Variants in BTBD19 observed in about 807,000 individuals in gnomAD.
BTBD19 encodes the protein BTB/POZ domain-containing protein 19.
Under a neutral mutation model 36.1 loss-of-function variants are expected in BTBD19, and 20 were observed. The ratio of observed to expected loss-of-function variants is 0.55; its 90% CI spans 0.39 to 0.80. The LOEUF is 0.80. Ranked by LOEUF, BTBD19 falls within the 30% of genes least tolerant of loss-of-function variation. BTBD19 has a pLI of 0.00. For synonymous variants in BTBD19, 157 were observed against 174.3 expected (o/e 0.90, Z 0.78); for missense variants, 325 against 389.8 (o/e 0.83, Z 1.40).
chr1:44,814,061 C>T (rs1032695034), exon 8 of BTBD19: 29 of 566,880 alleles, frequency 5.1e-5, no homozygotes, highest in Middle Eastern at 4.7e-4. Flanking sequence ...CGCCCTGCCC[C>T]TGGGCATTGT....
Position 44,812,980 on chromosome 1 carries a change from C to G in BTBD19, c.415-16C>G. The stretch of plus-strand genomic sequence containing the variant: ...CTCTCCAGTCTCCAACCTGATCTCC[C>G]TCATTCTGCTCGCAGGTGGCCGTAA... On this transcript the variant is annotated splice_polypyrimidine_tract_variant and intron_variant, in intron 4 of 7. Coordinates refer to ENST00000450269, the Ensembl canonical transcript of BTBD19. 1.3e-6 allele frequency: 2 copies of G among 1,546,416 alleles called. No individual in the cohort carries two copies. Among genetic ancestry groups the G allele is most frequent in the Non-Finnish European group, 1.7e-6 (2 of 1,143,610 alleles).
At chr1:44,811,561 A>T (rs951283058) in intron 3 of BTBD19, 1 of 183,732 alleles carries the variant, frequency 5.4e-6, no homozygotes, top group Non-Finnish European at 1.2e-5. Context: ...AGATTCACTG[A>T]AGGTTTCCGA....
At chr1:44,812,944 T>C in intron 4 of BTBD19, 52 bp from the exon 5 acceptor site, 1 of 1,469,086 alleles carries the variant, frequency 6.8e-7, no homozygotes, top group East Asian at 2.5e-5. Context: ...GTGAGCAGGC[T>C]GGGCTACGGC....
At chr1:44,814,225 TCTTTCCTTCC>T (rs1652617112), downstream of BTBD19, 1 of 118,912 alleles carries the variant, frequency 8.4e-6, no homozygotes, top group African/African-American at 4.2e-5. Context: ...TCTTTCTTTC[TCTTTCCTTCC>T]TTCCTTCCTT....
downstream of BTBD19, chr1:44,814,210 CTTTTT>C (rs1318552951): frequency 1.5e-4 from 15 of 100,050 alleles, no homozygotes; most frequent in South Asian, 2.8e-4. Flanking sequence ...TTCTTTCTTT[CTTTTT>C]CTTTCTTTCT....
Position 44,810,294 on chromosome 1 carries a change from C to A in BTBD19, c.168C>A (p.Phe56Leu). ...TGTTGGCCTGTAGATGCAACTTCTT[C>A]CAGCGACTTCTGGGCACAGAGCCAG... Residue 56 changes from phenylalanine to leucine, a missense_variant, in exon 2 of 8, where the codon TTC (phenylalanine) becomes TTA (leucine). Transcript: ENST00000450269. The surrounding 1 kb of genome is among the most constrained non-coding windows in gnomAD (Gnocchi z 4.2). 3 of 1,551,858 alleles carry A rather than the reference C, an allele frequency of 1.9e-6. No homozygotes were observed. The highest frequency in any genetic ancestry group is 2.6e-6 in the Non-Finnish European group (3 of 1,147,014).
rs1219611500 is a variant in BTBD19 at position 44,810,839 on chromosome 1, TAG to T, written c.354+234_354+235del. Reference sequence around the variant, plus strand: ...GAGGGGGTGATTATGGCTGGTGCTGTAGATACAAAGATATCAGCCTTGATCCG... The same window carrying T: ...GAGGGGGTGATTATGGCTGGTGCTGTATACAAAGATATCAGCCTTGATCCG... On this transcript the variant is annotated intron_variant, in intron 3 of 7. Coordinates refer to ENST00000450269, the Ensembl canonical transcript of BTBD19. This position sits in a 1 kb window ranked among gnomAD's most constrained non-coding sequence, Gnocchi z 4.2. The T allele has an allele frequency of 8.3e-6, 3 of 359,498 alleles. No homozygotes were observed. Among genetic ancestry groups the T allele is most frequent in the African/African-American group, 6.4e-5 (3 of 46,896 alleles). The allele number at this position is 359,498 out of a possible 1,614,324, so 22.3% of individuals were successfully genotyped here.
Position 44,813,318 on chromosome 1 carries a change from C to G in BTBD19, c.615+49C>G, listed in dbSNP as rs1297750701. 3 of 1,538,768 alleles carry G rather than the reference C, an allele frequency of 1.9e-6. No homozygotes were observed. The highest frequency in any genetic ancestry group is 2.6e-6 in the Non-Finnish European group (3 of 1,145,480). ...AGGGCACGGAAGGAGGTGCTGGCCA[C>G]GAGACTGGTGAGCGGGCGGCAGGAC... is the stretch of plus-strand genomic sequence containing the variant. On this transcript the variant is annotated intron_variant, in intron 6 of 7. Transcript: ENST00000450269. This position sits in a 1 kb window ranked among gnomAD's most constrained non-coding sequence, Gnocchi z 7.8.
In BTBD19 at chr1:44,813,550, GC is replaced by G; in HGVS notation, c.741+52del. Reference sequence around the variant, plus strand: ...CTCCACTCAGCAGGGGGTACAGGGCGCTGGGAGGGGGCAGGAGCAGCCCGGC... The same window carrying G: ...CTCCACTCAGCAGGGGGTACAGGGCGTGGGAGGGGGCAGGAGCAGCCCGGC... On this transcript the variant is annotated intron_variant, in intron 7 of 7. Transcript: ENST00000450269. The surrounding 1 kb of genome is among the most constrained non-coding windows in gnomAD (Gnocchi z 7.8). 2 of 1,538,200 alleles carry G rather than the reference GC, an allele frequency of 1.3e-6. No homozygotes were observed. Among genetic ancestry groups the G allele is most frequent in the South Asian group, 2.4e-5 (2 of 82,298 alleles).
rs1373429661 is a variant in BTBD19, at chr1:44,813,094, C to G, written c.483+30C>G. 1.3e-6 allele frequency: 2 copies of G among 1,547,046 alleles called. No individual in the cohort carries two copies. Among genetic ancestry groups the G allele is most frequent in the African/African-American group, 1.4e-5 (1 of 72,952 alleles). On this transcript the variant is annotated intron_variant, in intron 5 of 7. Coordinates refer to ENST00000450269, the Ensembl canonical transcript of BTBD19. The surrounding 1 kb of genome is among the most constrained non-coding windows in gnomAD (Gnocchi z 7.8). Reference sequence around the variant, plus strand: ...TGCTCCCTTCATACTCCTCACCCTACGCACCGCATTCTGCTCCTCCCTGAC... The same window carrying G: ...TGCTCCCTTCATACTCCTCACCCTAGGCACCGCATTCTGCTCCTCCCTGAC...
At position 44,812,989 on chromosome 1, in the gene BTBD19, C is replaced by G; in HGVS notation, c.415-7C>G. The G allele has an allele frequency of 1.9e-6, 3 of 1,548,956 alleles. No homozygotes were observed. The highest frequency in any genetic ancestry group is 2.6e-6 in the Non-Finnish European group (3 of 1,145,274). ...CTCCAACCTGATCTCCCTCATTCTGCTCGCAGGTGGCCGTAACCTTTGGCC... is the reference window on the plus strand; with the variant it reads ...CTCCAACCTGATCTCCCTCATTCTGGTCGCAGGTGGCCGTAACCTTTGGCC... On this transcript the variant is annotated splice_region_variant and splice_polypyrimidine_tract_variant and intron_variant, in intron 4 of 7. Transcript: ENST00000450269.
rs989142513 is a variant in BTBD19, at chr1:44,810,343, G to C, written c.217G>C (p.Val73Leu). 7.7e-6 allele frequency: 12 copies of C among 1,551,800 alleles called. No homozygotes were observed. The highest frequency in any genetic ancestry group is 2.0e-5 in the Admixed American group (1 of 51,010). ...AGGCCCCGGGGTGCCCAGTCCTGTGGTGCTAAGCACTGTGCCAACTGAGGC... is the reference window on the plus strand; with the variant it reads ...AGGCCCCGGGGTGCCCAGTCCTGTGCTGCTAAGCACTGTGCCAACTGAGGC... The change falls in exon 2 of 8, where the codon GTG becomes CTG. Residue 73 changes from valine to leucine, a missense_variant. Val to Leu is a conservative substitution (Grantham distance 32). Transcript: ENST00000450269. This position sits in a 1 kb window ranked among gnomAD's most constrained non-coding sequence, Gnocchi z 4.2.
At chr1:44,812,229 T>C in intron 4 of BTBD19, 131 bp downstream of exon 4, 2 of 605,474 alleles carry the variant, frequency 3.3e-6, no homozygotes, top group South Asian at 1.5e-5. Flanking sequence ...GTGGGGGTGC[T>C]CCAAGGATGT....
intron 1 of BTBD19, among the ~76,000 whole-genome samples, chr1:44,809,311 G>T (rs1377619524): frequency 2.0e-5 from 3 of 152,198 alleles, no homozygotes; most frequent in Non-Finnish European, 4.4e-5. Flanking sequence ...GGGAACTGAG[G>T]CTTCACAAGA....
At position 44,810,667 on chromosome 1, in the gene BTBD19, G is replaced by A. The variant is rs373553943; in HGVS notation, c.354+60G>A. 1.7e-5 allele frequency: 25 copies of A among 1,454,726 alleles called. No individual in the cohort carries two copies. Among genetic ancestry groups the A allele is most frequent in the Middle Eastern group, 2.2e-4 (1 of 4,618 alleles). The allele number at this position is 1,454,726 out of a possible 1,614,324, so 90.1% of individuals were successfully genotyped here. On this transcript the variant is annotated intron_variant, in intron 3 of 7. Coordinates refer to ENST00000450269, the Ensembl canonical transcript of BTBD19. The surrounding 1 kb of genome is among the most constrained non-coding windows in gnomAD (Gnocchi z 4.2). ...CTTGCTTCTCACGGGCTCACTTCCCGCCCTGCCTCACACACACTCTGGCCT... is the reference window on the plus strand; with the variant it reads ...CTTGCTTCTCACGGGCTCACTTCCCACCCTGCCTCACACACACTCTGGCCT...
At chr1:44,808,540 C>T (rs1376900626) in exon 1 of BTBD19, 9 of 309,174 alleles carry the variant, frequency 2.9e-5, no homozygotes, top group South Asian at 8.1e-5. Flanking sequence ...CTTTCGCCGC[C>T]GCCGCCGCCG....
chr1:44,812,321 G>A (rs918130798), intron 4 of BTBD19: 2 of 457,442 alleles, frequency 4.4e-6, no homozygotes, highest in Non-Finnish European at 8.8e-6. Flanking sequence ...TGTTGAAGGG[G>A]CTGGAGGTCT....
exon 1 of BTBD19, chr1:44,808,549 CGCCAGCCA>C (rs1262592184): frequency 3.1e-6 from 1 of 326,008 alleles, no homozygotes; most frequent in African/African-American, 2.1e-5. Flanking sequence ...CCGCCGCCGC[CGCCAGCCA>C]GCCAGCTTCT....
Position 44,813,192 on chromosome 1 carries a change from C to T in BTBD19, c.538C>T (p.Leu180=). Residue 180 remains leucine (L), a synonymous_variant, in exon 6 of 8, where the codon CTG becomes TTG. Coordinates refer to ENST00000450269, the Ensembl canonical transcript of BTBD19. The surrounding 1 kb of genome is among the most constrained non-coding windows in gnomAD (Gnocchi z 7.8). ...GCTGTCGGCGGCCGCGCTGCTGCCC[C>T]TGCTCCGCAGCGACAAGCTCTGCGT... 1 of 1,536,630 alleles carries T rather than the reference C, an allele frequency of 6.5e-7. No homozygotes were observed. Among genetic ancestry groups the T allele is most frequent in the Non-Finnish European group, 8.7e-7 (1 of 1,144,646 alleles).
Sources: gnomAD v4.1 joint callset for allele counts (sites outside exome capture counted in the v4.1 genomes callset) on GRCh38, gnomAD v4.1.1 for gene constraint, Gnocchi (gnomAD v3.1) non-coding constraint, MANE v1.5 for transcripts, NCBI Gene and HGNC (gene_info 2026-07-23, HGNC 2026-07-21) for gene names.